The following GTF3C4 variants were observed in gnomAD, a reference collection of about 807,000 sequenced individuals.
GTF3C4 encodes general transcription factor 3C polypeptide 4.
Under a neutral mutation model 67.5 loss-of-function variants are expected in GTF3C4, and 28 were observed. The observed-to-expected ratio is 0.41, with a 90% CI of 0.31 to 0.57. The LOEUF (loss-of-function observed/expected upper bound fraction) is 0.57. Ranked by LOEUF, GTF3C4 falls within the 20% of genes least tolerant of loss-of-function variation. GTF3C4 has a pLI of 0.21. For missense variants in GTF3C4, 831 were observed against 1,033.2 expected, an observed-to-expected ratio of 0.80 and a Z score of 2.68; for synonymous variants, 409 against 393.0, an observed-to-expected ratio of 1.04 and a Z score of -0.48.
At chr9:132,686,149 A>C (rs1437206812) in intron 3 of GTF3C4, among the ~76,000 whole-genome samples, 1 of 152,182 alleles carries the variant, frequency 6.6e-6, no homozygotes, top group Non-Finnish European at 1.5e-5. Flanking sequence ...TGGGGAAGTT[A>C]AATAATTTGC....
At chr9:132,687,102 T>C (rs1234215010) in intron 3 of GTF3C4, 137 bp from the exon 4 acceptor site, 3 of 712,688 alleles carry the variant, frequency 4.2e-6, no homozygotes, top group Non-Finnish European at 7.8e-6. Context: ...TGCATTGTTA[T>C]GTGAATGTAT....
At chr9:132,684,320 C>T (rs1170774126) in intron 3 of GTF3C4, among the ~76,000 whole-genome samples, 1 of 152,182 alleles carries the variant, frequency 6.6e-6, no homozygotes, top group African/African-American at 2.4e-5. Context: ...GTTTAATAGG[C>T]ATTTCAAATT....
intron 1 of GTF3C4, among the ~76,000 whole-genome samples, chr9:132,676,019 C>T (rs1449127532): frequency 2.0e-5 from 3 of 150,306 alleles, no homozygotes; most frequent in African/African-American, 7.3e-5. Context: ...CTTCCTCAGC[C>T]TCCTGAGTCG....
chr9:132,676,868 GCCTCT>G lies in GTF3C4; in HGVS notation c.358-1108_358-1104del, dbSNP rs1835871682. Among the ~76,000 whole-genome samples the G allele has an allele frequency of 2.6e-5, 4 of 152,116 alleles. No individual in the cohort carries two copies. In the South Asian group the frequency reaches 8.3e-4, roughly 31 times the overall value. On this transcript the variant is annotated intron_variant, in intron 1 of 4. Transcript: ENST00000372146. ...TCTACCCTTTCCAGTTTAAAGAGCAGCCTCTTTGAAAAAGGAAATTGACACTAAAA... is the reference window on the plus strand; with the variant it reads ...TCTACCCTTTCCAGTTTAAAGAGCAGTTGAAAAAGGAAATTGACACTAAAA...
chr9:132,675,180 A>T (rs1006003420), intron 1 of GTF3C4, among the ~76,000 whole-genome samples: 1 of 152,206 alleles, frequency 6.6e-6, no homozygotes, highest in African/African-American at 2.4e-5. Context: ...TGAGGAAATT[A>T]AGGTCAGAAG....
chr9:132,676,121 G>C lies in GTF3C4; in HGVS notation c.358-1856G>C, dbSNP rs577555409. Among the ~76,000 whole-genome samples, 376 of 151,538 alleles carry C rather than the reference G, an allele frequency of 2.5e-3. 1 individual carries two copies. Among genetic ancestry groups the C allele is most frequent in the Non-Finnish European group, 4.1e-3 (278 of 67,898 alleles). ...TCACCGTGTTAGCCAGGATGGTCTC[G>C]ATCTCCTGACCTCATGATCCGCCCA... On this transcript the variant is annotated intron_variant, in intron 1 of 4. Coordinates refer to ENST00000372146, the MANE Select transcript of GTF3C4 (RefSeq NM_012204.4).
upstream of GTF3C4, chr9:132,670,216 CTGAA>C (rs760824384): frequency 2.0e-4 from 305 of 1,554,632 alleles, no homozygotes; most frequent in Non-Finnish European, 8.6e-5. Context: ...GGGAAGCTCT[CTGAA>C]TGCCTCTGAG....
Position 132,693,917 on chromosome 9 carries a change from T to C in GTF3C4, c.*4972T>C, listed in dbSNP as rs1340956284. The C allele has an allele frequency of 6.6e-6, 1 of 152,220 alleles. No individual in the cohort carries two copies. Among genetic ancestry groups the C allele is most frequent in the Non-Finnish European group, 1.5e-5 (1 of 68,042 alleles). 9.4% of individuals were successfully genotyped at this position (152,220 alleles called of 1,614,324 possible). A position where few individuals can be genotyped will look rare whatever the true frequency, so the allele number is the denominator to read the frequency against. ...TATAGAAAAATAAGTCTGTGTTGTG[T>C]ATAGTGATACATGTTTTATGTTTAC... On this transcript the variant is annotated 3_prime_UTR_variant, in exon 5 of 5. Transcript: ENST00000372146.
chr9:132,673,513 T>TGACC (rs35082285), intron 1 of GTF3C4, among the ~76,000 whole-genome samples: 4,883 of 152,286 alleles, frequency 0.032, 97 homozygotes, highest in Non-Finnish European at 0.051. Flanking sequence ...ACCCTGCAGT[T>TGACC]CTACAAGAGC....
intron 4 of GTF3C4, among the ~76,000 whole-genome samples, chr9:132,688,579 T>C (rs1564358731): frequency 6.6e-6 from 1 of 152,348 alleles, no homozygotes; most frequent in Non-Finnish European, 1.5e-5. Flanking sequence ...GAAGAACACA[T>C]TCTCGGAATA....
At chr9:132,682,435 T>G (rs1234710791) in intron 2 of GTF3C4, among the ~76,000 whole-genome samples, 2 of 151,582 alleles carry the variant, frequency 1.3e-5, no homozygotes, top group East Asian at 3.9e-4. Flanking sequence ...TAAGCAGAAA[T>G]GGATTCGAAA....
At chr9:132,672,726 T>G (rs1835803373) in intron 1 of GTF3C4, among the ~76,000 whole-genome samples, 1 of 152,140 alleles carries the variant, frequency 6.6e-6, no homozygotes. Flanking sequence ...AGAAGATGAT[T>G]GTTGTGATCA....
intron 3 of GTF3C4, among the ~76,000 whole-genome samples, chr9:132,686,508 T>C (rs907211171): frequency 3.3e-5 from 5 of 152,270 alleles, no homozygotes; most frequent in African/African-American, 1.2e-4. Context: ...AAAACTGTTA[T>C]TTTTTGGGAA....
chr9:132,671,193 C>T (rs1835742035), intron 1 of GTF3C4, among the ~76,000 whole-genome samples: 1 of 152,212 alleles, frequency 6.6e-6, no homozygotes, highest in Non-Finnish European at 1.5e-5. Context: ...CAGGTACACA[C>T]CCAGGGGGCT....
rs1054665645 is a variant in GTF3C4, at chr9:132,694,536, T to C, written c.*5591T>C. On this transcript the variant is annotated 3_prime_UTR_variant, in exon 5 of 5. Coordinates refer to ENST00000372146, the MANE Select transcript of GTF3C4 (RefSeq NM_012204.4). Reference sequence around the variant, plus strand: ...CAGTGTCCTGCGTTTTTATCTAATATTAGAGCTGAGGTTCCTAGGAAAATT... The same window carrying C: ...CAGTGTCCTGCGTTTTTATCTAATACTAGAGCTGAGGTTCCTAGGAAAATT... 1 of 152,246 alleles carries C rather than the reference T, an allele frequency of 6.6e-6. No homozygotes were observed. Among genetic ancestry groups the C allele is most frequent in the African/African-American group, 2.4e-5 (1 of 41,472 alleles). 9.4% of individuals were successfully genotyped at this position (152,246 alleles called of 1,614,324 possible).
In GTF3C4 at chr9:132,693,720, A is replaced by G. The variant is rs542349162; in HGVS notation, c.*4775A>G. Reference sequence around the variant, plus strand: ...GATAATGATGGCTTTGAGGCATTTCATACTTTACCAGTTTACATTTGGCTA... The same window carrying G: ...GATAATGATGGCTTTGAGGCATTTCGTACTTTACCAGTTTACATTTGGCTA... On this transcript the variant is annotated 3_prime_UTR_variant, in exon 5 of 5. Coordinates refer to ENST00000372146, the MANE Select transcript of GTF3C4 (RefSeq NM_012204.4). 1 of 152,196 alleles carries G rather than the reference A, an allele frequency of 6.6e-6. No homozygotes were observed. The highest frequency in any genetic ancestry group is 1.5e-5 in the Non-Finnish European group (1 of 68,030). 9.4% of individuals were successfully genotyped at this position (152,196 alleles called of 1,614,324 possible).
In GTF3C4 at chr9:132,694,684, T is replaced by C. The variant is rs1002858732; in HGVS notation, c.*5739T>C. ...CTTGTTAAAAGGGTAACAGAACCTCTGTTTCTTTACCAAGTCGCTGGTTGG... is the reference window on the plus strand; with the variant it reads ...CTTGTTAAAAGGGTAACAGAACCTCCGTTTCTTTACCAAGTCGCTGGTTGG... On this transcript the variant is annotated 3_prime_UTR_variant, in exon 5 of 5. Transcript: ENST00000372146. 11 of 152,198 alleles carry C rather than the reference T, an allele frequency of 7.2e-5. No individual in the cohort carries two copies. Among genetic ancestry groups the C allele is most frequent in the African/African-American group, 2.7e-4 (11 of 41,450 alleles). The allele number at this position is 152,198 out of a possible 1,614,324, so 9.4% of individuals were successfully genotyped here. A position where few individuals can be genotyped will look rare whatever the true frequency, so the allele number is the denominator to read the frequency against.
At chr9:132,680,534 T>C (rs1835924949) in intron 2 of GTF3C4, among the ~76,000 whole-genome samples, 1 of 152,246 alleles carries the variant, frequency 6.6e-6, no homozygotes, top group South Asian at 2.1e-4. Flanking sequence ...CCAAGAAATA[T>C]ACTGTGTTCT....
At position 132,679,407 on chromosome 9, in the gene GTF3C4, G is replaced by T; in HGVS notation, c.1788G>T (p.Leu596Phe). Residue 596 changes from leucine (L) to phenylalanine (F), a missense_variant, in exon 2 of 5, where the codon TTG (leucine) becomes TTT (phenylalanine). Transcript: ENST00000372146. The surrounding 1 kb of genome is among the most constrained non-coding windows in gnomAD (Gnocchi z 5.9). ...TGCAGAAAACCCCTTCAGAAGCCTT[G>T]TGGAAACCCACCCATGAGGACTCAA... Reference protein sequence around the residue: ...QSMQKTPSEALWKPTHEDSKI... With the variant: ...QSMQKTPSEAFWKPTHEDSKI... 1 of 1,614,160 alleles carries T rather than the reference G, an allele frequency of 6.2e-7. No homozygotes were observed. Among genetic ancestry groups the T allele is most frequent in the Non-Finnish European group, 8.5e-7 (1 of 1,180,026 alleles).
Sources: gnomAD v4.1 joint callset for allele counts (sites outside exome capture counted in the v4.1 genomes callset) on GRCh38, gnomAD v4.1.1 for gene constraint, Gnocchi (gnomAD v3.1) non-coding constraint, MANE v1.5 for transcripts, NCBI Gene and HGNC (gene_info 2026-07-23, HGNC 2026-07-21) for gene names.